Variants in MAP3K1 observed in about 807,000 individuals in gnomAD.
The protein encoded by MAP3K1 is mitogen-activated protein kinase kinase kinase 1, also known as MAP/ERK kinase kinase 1.
Under a neutral mutation model 144.2 loss-of-function variants are expected in MAP3K1, and 36 were observed. The ratio of observed to expected loss-of-function variants is 0.25; its 90% CI spans 0.19 to 0.33. MAP3K1 has a LOEUF of 0.33. Ranked by LOEUF, MAP3K1 falls within the 10% of genes least tolerant of loss-of-function variation. MAP3K1 has a pLI of 1.00. For synonymous variants in MAP3K1, 718 were observed against 688.7 expected (o/e 1.04, Z -0.67); for missense variants, 1,650 against 1,881.9 (o/e 0.88, Z 2.28).
At chr5:56,862,699 A>ATC (rs1372837203) in intron 3 of MAP3K1, among the ~76,000 whole-genome samples, 1 of 152,232 alleles carries the variant, frequency 6.6e-6, no homozygotes, top group Non-Finnish European at 1.5e-5. Flanking sequence ...GTGAGCATGT[A>ATC]TCTGTGAACA....
At position 56,870,693 on chromosome 5, in the gene MAP3K1, ACAT is replaced by A. The variant is rs1747825266; in HGVS notation, c.1302-1211_1302-1209del. Among the ~76,000 whole-genome samples, 11 of 152,306 alleles carry A rather than the reference ACAT, an allele frequency of 7.2e-5. 1 individual carries two copies. In the South Asian group the frequency reaches 2.1e-3, roughly 29 times the overall value. On this transcript the variant is annotated intron_variant, in intron 6 of 19. Transcript: ENST00000399503. ...CTTTATATATCAAGAATATTTTTCCACATCATCACCAAATTACATACTTTTTTC... is the reference window on the plus strand; with the variant it reads ...CTTTATATATCAAGAATATTTTTCCACATCACCAAATTACATACTTTTTTC...
intron 2 of MAP3K1, 128 bp downstream of exon 2, chr5:56,856,878 T>C (rs1747359678): frequency 1.1e-5 from 11 of 972,604 alleles, no homozygotes; most frequent in South Asian, 3.0e-5. Flanking sequence ...TTACTTGATA[T>C]TGTGGTCATT....
chr5:56,816,209 C>T (rs1272257555), intron 1 of MAP3K1, among the ~76,000 whole-genome samples, 154 bp downstream of exon 1: 1 of 152,084 alleles, frequency 6.6e-6, no homozygotes, highest in Non-Finnish European at 1.5e-5. Context: ...CCCCCGACCC[C>T]TTCGGAGTCG....
chr5:56,849,976 T>C (rs1307301541), intron 1 of MAP3K1, among the ~76,000 whole-genome samples: 3 of 152,202 alleles, frequency 2.0e-5, no homozygotes, highest in Non-Finnish European at 4.4e-5. Flanking sequence ...AATGGAGTAG[T>C]AAGAGCCGCG....
At chr5:56,863,335 C>T (rs1347778743) in intron 3 of MAP3K1, among the ~76,000 whole-genome samples, 1 of 152,170 alleles carries the variant, frequency 6.6e-6, no homozygotes, top group African/African-American at 2.4e-5. Context: ...CCTAGGCAAC[C>T]ACTAATCTAT....
chr5:56,889,580 A>G (rs1748486009), intron 19 of MAP3K1, among the ~76,000 whole-genome samples: 1 of 152,206 alleles, frequency 6.6e-6, no homozygotes. Flanking sequence ...TAGAATAAGT[A>G]ATGGTTGATA....
At position 56,891,149 on chromosome 5, in the gene MAP3K1, C is replaced by CA. The variant is rs1491557463; in HGVS notation, c.4390-2382_4390-2381insA. Among the ~76,000 whole-genome samples the CA allele has an allele frequency of 1.2e-3, 9 of 7,498 alleles. No homozygotes were observed. The South Asian group carries it at 0.057, about 48-fold the overall frequency. The allele number at this position is 7,498 out of a possible 152,430, so 4.9% of individuals were successfully genotyped here. Reference sequence around the variant, plus strand: ...CAAAACACACACAGACACACACACACCCCCCCCCCCCACACACACACACAC... The same window carrying CA: ...CAAAACACACACAGACACACACACACACCCCCCCCCCCACACACACACACAC... On this transcript the variant is annotated intron_variant, in intron 19 of 19. Coordinates refer to ENST00000399503, the MANE Select transcript of MAP3K1 (RefSeq NM_005921.2).
At chr5:56,836,665 C>G (rs1746664777) in intron 1 of MAP3K1, among the ~76,000 whole-genome samples, 1 of 152,020 alleles carries the variant, frequency 6.6e-6, no homozygotes, top group South Asian at 2.1e-4. Context: ...GAAGTTTTGT[C>G]TTGTGTATGT....
intron 9 of MAP3K1, 48 bp from the exon 10 acceptor site, chr5:56,874,984 T>C (rs2111920105): frequency 6.3e-7 from 1 of 1,594,726 alleles, no homozygotes; most frequent in South Asian, 1.1e-5. Context: ...ATGCTCTGGG[T>C]CCATAAGCTT....
intron 12 of MAP3K1, 120 bp downstream of exon 12, chr5:56,880,922 G>C (rs1748185410): frequency 2.4e-5 from 25 of 1,029,972 alleles, no homozygotes; most frequent in Non-Finnish European, 3.5e-5. Flanking sequence ...TTTATAAATT[G>C]ATTCACTGTG....
intron 18 of MAP3K1, 121 bp from the exon 19 acceptor site, chr5:56,888,105 C>T (rs766052511): frequency 1.7e-5 from 14 of 834,150 alleles, no homozygotes; most frequent in Non-Finnish European, 2.6e-5. Context: ...TTAGGTAGTC[C>T]ACAGAATTCC....
At chr5:56,826,100 CCTG>C (rs1746305423) in intron 1 of MAP3K1, among the ~76,000 whole-genome samples, 1 of 151,992 alleles carries the variant, frequency 6.6e-6, no homozygotes, top group Admixed American at 6.6e-5. Flanking sequence ...CCAGCTCTGT[CCTG>C]CAGCTGATCA....
intron 19 of MAP3K1, among the ~76,000 whole-genome samples, chr5:56,893,289 A>G (rs1748602486): frequency 6.6e-6 from 1 of 152,244 alleles, no homozygotes; most frequent in South Asian, 2.1e-4. Context: ...GTAAATAATA[A>G]GGAATAGGAT....
intron 11 of MAP3K1, among the ~76,000 whole-genome samples, chr5:56,879,335 A>G (rs945971378): frequency 2.6e-5 from 4 of 152,228 alleles, no homozygotes; most frequent in African/African-American, 9.6e-5. Flanking sequence ...ACATTATTGT[A>G]TTGTGATTTA....
rs1436550315 is a variant in MAP3K1, at chr5:56,881,190, A to C, written c.2287A>C (p.Arg763=). ...ELLGRLCLID[R]LLLEFPAEFY... is the part of the protein sequence containing the mutation. Reference sequence around the variant, plus strand: ...TCTTGGCCGCCTTTGTCTTATAGATAGACTGTTGTTGGAATTTCCTGCTGA... The same window carrying C: ...TCTTGGCCGCCTTTGTCTTATAGATCGACTGTTGTTGGAATTTCCTGCTGA... The change falls in exon 13 of 20, where the codon AGA becomes CGA. Residue 763 remains arginine, a synonymous_variant. Transcript: ENST00000399503. 1.2e-6 allele frequency: 2 copies of C among 1,613,748 alleles called. No individual in the cohort carries two copies. Among genetic ancestry groups the C allele is most frequent in the Admixed American group, 3.3e-5 (2 of 59,986 alleles).
intron 6 of MAP3K1, among the ~76,000 whole-genome samples, chr5:56,867,275 C>T (rs1451878724): frequency 6.6e-6 from 1 of 152,088 alleles, no homozygotes; most frequent in Non-Finnish European, 1.5e-5. Flanking sequence ...GGGGGAATCA[C>T]AAAAGTTATC....
intron 1 of MAP3K1, among the ~76,000 whole-genome samples, chr5:56,820,015 T>G (rs1378053283): frequency 6.6e-6 from 1 of 152,200 alleles, no homozygotes; most frequent in Non-Finnish European, 1.5e-5. Context: ...AGTCAGATAC[T>G]CTTTTCAGTT....
In MAP3K1 at chr5:56,882,084, C is replaced by T. The variant is rs751587216; in HGVS notation, c.2884C>T (p.Pro962Ser). 6.2e-7 allele frequency: 1 copy of T among 1,614,134 alleles called. No individual in the cohort carries two copies. Among genetic ancestry groups the T allele is most frequent in the Non-Finnish European group, 8.5e-7 (1 of 1,180,030 alleles). ...GCCAATGGTTCAAACAAAAGGCAGA[C>T]CCCACAGTCAGTGTTTGAACTCCTC... The part of the protein sequence containing the change: ...PKPMVQTKGR[P>S]HSQCLNSSPL... The change falls in exon 14 of 20, where the codon CCC becomes TCC. Residue 962 changes from proline (P) to serine (S), a missense_variant. By Grantham distance (74) the Pro-to-Ser change is moderately conservative. Transcript: ENST00000399503.
intron 1 of MAP3K1, among the ~76,000 whole-genome samples, chr5:56,833,358 A>G (rs9292126): frequency 0.015 from 2,232 of 152,328 alleles, 64 homozygotes; most frequent in African/African-American, 0.051. Context: ...GTGCACATAC[A>G]TTAAAAGCAG....
Sources: gnomAD v4.1 joint callset for allele counts (sites outside exome capture counted in the v4.1 genomes callset) on GRCh38, gnomAD v4.1.1 for gene constraint, MANE v1.5 for transcripts, NCBI Gene and HGNC (gene_info 2026-07-23, HGNC 2026-07-21) for gene names.